The following SRPK1 variants were observed in gnomAD, a reference collection of about 807,000 sequenced individuals.
The protein encoded by SRPK1 is SRSF protein kinase 1.
In SRPK1, 52 loss-of-function variants were observed where a neutral mutation model predicts 89.5. The observed-to-expected ratio is 0.58, with a 90% CI of 0.46 to 0.73. The LOEUF (loss-of-function observed/expected upper bound fraction) is 0.73, where lower values mean the gene tolerates loss of function less well. Ranked by LOEUF, SRPK1 falls within the 30% of genes least tolerant of loss-of-function variation. SRPK1 has a pLI of 0.00. For missense variants in SRPK1, 603 were observed against 780.6 expected (o/e 0.77, Z 2.71); for synonymous variants, 255 against 270.2 (o/e 0.94, Z 0.55).
chr6:35,872,488 TC>T, intron 8 of SRPK1, 74 bp downstream of exon 8: 1 of 1,353,012 alleles, frequency 7.4e-7, no homozygotes, highest in Non-Finnish European at 9.7e-7. Flanking sequence ...GGTGTTTAAT[TC>T]CCTGGTAACA....
chr6:35,859,676 A>T (rs1382299412), intron 12 of SRPK1, among the ~76,000 whole-genome samples: 1 of 152,214 alleles, frequency 6.6e-6, no homozygotes, highest in East Asian at 1.9e-4. Context: ...GCTCGTTAAA[A>T]ATTATGTAAA....
In SRPK1 at chr6:35,870,190, G is replaced by A. The variant is rs930723545; in HGVS notation, c.991+91C>T. 6.3e-6 allele frequency: 7 copies of A among 1,105,602 alleles called. No individual in the cohort carries two copies. In the Admixed American group the frequency reaches 1.5e-4, roughly 24 times the overall value. 68.5% of individuals were successfully genotyped at this position (1,105,602 alleles called of 1,614,324 possible). On this transcript the variant is annotated intron_variant, in intron 10 of 15. Transcript: ENST00000373825. ...CTTATAAAGATACCCCCAGAGATGT[G>A]TTGTATGTATGAAACCACTGTATTA...
At position 35,871,110 on chromosome 6, in the gene SRPK1, A is replaced by G. The variant is rs906237790; in HGVS notation, c.752-151T>C. 1.6e-5 allele frequency: 7 copies of G among 440,132 alleles called. No individual in the cohort carries two copies. The Admixed American group carries it at 2.3e-4, about 15-fold the overall frequency. The allele number at this position is 440,132 out of a possible 1,614,324, so 27.3% of individuals were successfully genotyped here. Reference sequence around the variant, plus strand: ...ATTGTTTTTAAATGACTTAAGTAGAAGCTATATTATTACCATTTTTAAAGA... The same window carrying G: ...ATTGTTTTTAAATGACTTAAGTAGAGGCTATATTATTACCATTTTTAAAGA... On this transcript the variant is annotated intron_variant, in intron 8 of 15. Transcript: ENST00000373825.
At chr6:35,885,376 T>C (rs1399609893) in intron 6 of SRPK1, among the ~76,000 whole-genome samples, 1 of 150,616 alleles carries the variant, frequency 6.6e-6, no homozygotes, top group Non-Finnish European at 1.5e-5. Context: ...TGTTTTAAGA[T>C]GGTTGCAGCA....
chr6:35,870,037 T>A (rs1324915298), intron 10 of SRPK1, 136 bp from the exon 11 acceptor site: 1 of 1,103,530 alleles, frequency 9.1e-7, no homozygotes, highest in East Asian at 2.4e-5. Context: ...ATCTAAAACC[T>A]ATTTCCGGAA....
Position 35,866,540 on chromosome 6 carries a change from C to T in SRPK1, c.1512+2470G>A, listed in dbSNP as rs562965719. 5.9e-5 allele frequency among the ~76,000 whole-genome samples: 9 copies of T among 151,786 alleles called. No homozygotes were observed. In the South Asian group the frequency reaches 1.9e-3, roughly 32 times the overall value. On this transcript the variant is annotated intron_variant, in intron 12 of 15. Coordinates refer to ENST00000373825, the MANE Select transcript of SRPK1 (RefSeq NM_003137.5). ...GGCAGAGGCTGCAGTGAGCAGAGAT[C>T]GCACCACTGCACTCCAGCCTGGGCA...
intron 6 of SRPK1, among the ~76,000 whole-genome samples, chr6:35,885,377 G>T (rs1219451302): frequency 6.6e-6 from 1 of 150,542 alleles, no homozygotes; most frequent in Non-Finnish European, 1.5e-5. Flanking sequence ...GTTTTAAGAT[G>T]GTTGCAGCAG....
In SRPK1 at chr6:35,876,949, G is replaced by C. The variant is rs187494747; in HGVS notation, c.479-2610C>G. ...CTATAATTCACTGAAAAAGGTACCA[G>C]AGAGAGGGGAGAGCTGCAGAAAGAG... is the stretch of plus-strand genomic sequence containing the variant. On this transcript the variant is annotated intron_variant, in intron 6 of 15. Coordinates refer to ENST00000373825, the MANE Select transcript of SRPK1 (RefSeq NM_003137.5). Among the ~76,000 whole-genome samples the C allele has an allele frequency of 8.5e-5, 13 of 152,330 alleles. No individual in the cohort carries two copies. In the East Asian group the frequency reaches 2.1e-3, roughly 25 times the overall value.
At chr6:35,867,247 T>C (rs1424063320) in intron 12 of SRPK1, among the ~76,000 whole-genome samples, 2 of 152,172 alleles carry the variant, frequency 1.3e-5, no homozygotes, top group East Asian at 3.8e-4. Flanking sequence ...GAAGAAGCTA[T>C]TGCAGTCACT....
At chr6:35,886,893 A>C (rs185120388) in intron 5 of SRPK1, 82 bp from the exon 6 acceptor site, 6 of 741,702 alleles carry the variant, frequency 8.1e-6, no homozygotes, top group Non-Finnish European at 1.2e-5. Flanking sequence ...ACTTACAGCA[A>C]ATTAACTACA....
chr6:35,868,239 C>T (rs904423836), intron 12 of SRPK1, among the ~76,000 whole-genome samples: 2 of 152,266 alleles, frequency 1.3e-5, no homozygotes, highest in Non-Finnish European at 1.5e-5. Context: ...CAGCCTCCGC[C>T]TCCCAAAGTG....
intron 6 of SRPK1, among the ~76,000 whole-genome samples, chr6:35,876,403 G>A (rs1770158725): frequency 6.6e-6 from 1 of 152,106 alleles, no homozygotes; most frequent in Non-Finnish European, 1.5e-5. Flanking sequence ...TTGGGAGGCC[G>A]AGACAGATAG....
intron 13 of SRPK1, among the ~76,000 whole-genome samples, chr6:35,844,062 T>C (rs996427221): frequency 1.3e-5 from 2 of 148,322 alleles, no homozygotes; most frequent in Non-Finnish European, 3.0e-5. Context: ...TGGAGTGCAG[T>C]GGCACAATCT....
rs184015059 is a variant in SRPK1 at position 35,875,091 on chromosome 6, C to T, written c.479-752G>A. Among the ~76,000 whole-genome samples the T allele has an allele frequency of 4.0e-3, 610 of 152,256 alleles. 8 individuals are homozygous for T. Among genetic ancestry groups the T allele is most frequent in the Non-Finnish European group, 6.4e-3 (438 of 68,022 alleles). ...CTAGTGCTCAGACTTTAACATTCTC[C>T]ATTAAAGGAAAGCCTGAGCTCCTTG... On this transcript the variant is annotated intron_variant, in intron 6 of 15. Coordinates refer to ENST00000373825, the MANE Select transcript of SRPK1 (RefSeq NM_003137.5).
intron 2 of SRPK1, among the ~76,000 whole-genome samples, chr6:35,897,409 T>C (rs1362178234): frequency 1.3e-5 from 2 of 152,152 alleles, no homozygotes; most frequent in African/African-American, 4.8e-5. Flanking sequence ...CAACTATTAA[T>C]AAAATAAACA....
At chr6:35,918,155 A>G (rs1201847460) in intron 2 of SRPK1, among the ~76,000 whole-genome samples, 1 of 152,208 alleles carries the variant, frequency 6.6e-6, no homozygotes, top group African/African-American at 2.4e-5. Context: ...ACTTAAAAGG[A>G]GGCTGGGATA....
intron 2 of SRPK1, among the ~76,000 whole-genome samples, chr6:35,908,414 T>C (rs1394233070): frequency 6.6e-6 from 1 of 152,218 alleles, no homozygotes; most frequent in Non-Finnish European, 1.5e-5. Flanking sequence ...TAAAGGTCAC[T>C]CATGCTATGC....
intron 2 of SRPK1, among the ~76,000 whole-genome samples, chr6:35,911,690 G>T (rs964914524): frequency 6.6e-6 from 1 of 151,860 alleles, no homozygotes; most frequent in East Asian, 1.9e-4. Flanking sequence ...CTCGGCCTCC[G>T]AAGTAGCTAG....
In SRPK1 at chr6:35,835,316, CCA is replaced by C; in HGVS notation, c.1954_1955del (p.Trp652AlafsTer2). Reference protein sequence around the residue: ...ATAAECLRHPWLNS With the variant: ...ATAAECLRHPXLNS The stretch of plus-strand genomic sequence containing the variant: ...GCTGGGCAGGGGCTTAGGAGTTAAG[CCA>C]AGGGTGCCGGAGACACTCGGCGGCA... On this transcript the variant is annotated frameshift_variant, in exon 16 of 16. Transcript: ENST00000373825. LOFTEE classifies it high-confidence loss of function. 2 of 1,613,244 alleles carry C rather than the reference CCA, an allele frequency of 1.2e-6. No individual in the cohort carries two copies. Among genetic ancestry groups the C allele is most frequent in the Non-Finnish European group, 1.7e-6 (2 of 1,179,568 alleles).
Sources: gnomAD v4.1 joint callset for allele counts (sites outside exome capture counted in the v4.1 genomes callset) on GRCh38, gnomAD v4.1.1 for gene constraint, MANE v1.5 for transcripts, NCBI Gene and HGNC (gene_info 2026-07-23, HGNC 2026-07-21) for gene names.